The following SYK variants were observed in gnomAD, a reference collection of about 807,000 sequenced individuals.
SYK encodes the protein spleen associated tyrosine kinase, also known as tyrosine-protein kinase SYK.
SYK carries 16 observed loss-of-function variants against 77.8 expected under a neutral mutation model. The ratio of observed to expected loss-of-function variants is 0.21; its 90% CI spans 0.14 to 0.31. The LOEUF (loss-of-function observed/expected upper bound fraction) is 0.31, where lower values mean the gene tolerates loss of function less well. Among genes scored for constraint, SYK ranks in the 10% least tolerant of loss-of-function variants. SYK has a pLI of 1.00. For synonymous variants in SYK, 312 were observed against 308.7 expected (o/e 1.01, Z -0.11); for missense variants, 529 against 814.4 (o/e 0.65, Z 4.26).
At position 90,896,639 on chromosome 9, in the gene SYK, G is replaced by T. The variant is rs1396811910; in HGVS notation, c.*1039G>T. 4.3e-6 allele frequency: 1 copy of T among 232,808 alleles called. No homozygotes were observed. The highest frequency in any genetic ancestry group is 8.5e-6 in the Non-Finnish European group (1 of 117,766). The allele number at this position is 232,808 out of a possible 1,614,324, so 14.4% of individuals were successfully genotyped here. On this transcript the variant is annotated 3_prime_UTR_variant, in exon 14 of 14. Transcript: ENST00000375754. ...ACCACAAACAGGCCTTTTGGAGTGT[G>T]AATTTGAGTTGAAGATACAAGATCG...
intron 1 of SYK, among the ~76,000 whole-genome samples, chr9:90,830,807 A>G (rs290220): frequency 0.86 from 130,876 of 151,918 alleles, 56,590 homozygotes; most frequent in East Asian, 1. Context: ...GGATGGTCTC[A>G]ATCTCCTGAC....
intron 12 of SYK, 32 bp from the exon 13 acceptor site, chr9:90,888,483 A>C: frequency 6.5e-7 from 1 of 1,531,568 alleles, no homozygotes; most frequent in Non-Finnish European, 8.8e-7. Flanking sequence ...CTTTAAAAAA[A>C]AAAAAGCTTA....
intron 1 of SYK, among the ~76,000 whole-genome samples, chr9:90,821,715 A>T (rs1298285474): frequency 1.3e-5 from 2 of 152,170 alleles, no homozygotes; most frequent in African/African-American, 4.8e-5. Context: ...ACCTCATATT[A>T]TAAGTAAGTG....
In SYK at chr9:90,843,999, T is replaced by G. The variant is rs756261006; in HGVS notation, c.101T>G (p.Met34Arg). 93 of 1,611,088 alleles carry G rather than the reference T, an allele frequency of 5.8e-5. No homozygotes were observed. The highest frequency in any genetic ancestry group is 7.7e-5 in the Non-Finnish European group (91 of 1,178,540). ...EAEDYLVQGGMSDGLYLLRQS... is the reference protein window; with the variant it reads ...EAEDYLVQGGRSDGLYLLRQS... ...GAAGATTACCTGGTCCAGGGGGGCA[T>G]GAGTGATGGGCTTTATTTGCTGCGC... Residue 34 changes from methionine to arginine, a missense_variant, in exon 2 of 14, where the codon ATG (methionine) becomes AGG (arginine). Transcript: ENST00000375754.
intron 1 of SYK, among the ~76,000 whole-genome samples, chr9:90,831,993 G>T (rs979835353): frequency 3.3e-5 from 5 of 152,262 alleles, no homozygotes; most frequent in Admixed American, 3.3e-4. Flanking sequence ...ATGAGTTATT[G>T]TGCTGTTGAC....
chr9:90,874,303 T>C lies in SYK; in HGVS notation c.1003+12T>C. The C allele has an allele frequency of 1.2e-6, 2 of 1,613,738 alleles. No individual in the cohort carries two copies. The highest frequency in any genetic ancestry group is 1.7e-6 in the Non-Finnish European group (2 of 1,179,642). On this transcript the variant is annotated intron_variant, in intron 8 of 13. Coordinates refer to ENST00000375754, the MANE Select transcript of SYK (RefSeq NM_003177.7). ...GGCTGCAGACAAAGGTGAGACTTCC[T>C]TTCATTCAAGGGACATTCACAGAGC...
chr9:90,857,405 A>G (rs964735420), intron 3 of SYK, among the ~76,000 whole-genome samples: 1 of 152,232 alleles, frequency 6.6e-6, no homozygotes, highest in African/African-American at 2.4e-5. Flanking sequence ...AAGCTGAAAG[A>G]CAAGATGCGT....
chr9:90,811,403 T>C (rs1455764605), intron 1 of SYK, among the ~76,000 whole-genome samples: 1 of 152,114 alleles, frequency 6.6e-6, no homozygotes, highest in Non-Finnish European at 1.5e-5. Context: ...TTTAGGAACC[T>C]ATCACACATA....
intron 1 of SYK, among the ~76,000 whole-genome samples, chr9:90,836,201 A>G (rs1189876169): frequency 6.6e-6 from 1 of 151,748 alleles, no homozygotes; most frequent in African/African-American, 2.4e-5. Context: ...GCAGGAGAAC[A>G]GCGTGAACTG....
intron 11 of SYK, among the ~76,000 whole-genome samples, chr9:90,880,931 G>A (rs986510001): frequency 1.3e-5 from 2 of 152,230 alleles, no homozygotes; most frequent in African/African-American, 4.8e-5. Flanking sequence ...TGGGGCCCTT[G>A]GGCTTCCCTT....
chr9:90,881,373 G>A (rs1828142309), intron 11 of SYK, among the ~76,000 whole-genome samples: 1 of 152,146 alleles, frequency 6.6e-6, no homozygotes, highest in Non-Finnish European at 1.5e-5. Context: ...ACAAAGCAAA[G>A]TGAAATGGAA....
At chr9:90,865,891 C>CTTTTTTTTTTTTTT (rs10680406) in intron 6 of SYK, among the ~76,000 whole-genome samples, 1 of 61,264 alleles carries the variant, frequency 1.6e-5, no homozygotes, top group Non-Finnish European at 2.7e-5. Flanking sequence ...TACATATGGC[C>CTTTTTTTTTTTTTT]TTTTTTTTTT....
rs199995914 is a variant in SYK, at chr9:90,887,906, T to C, written c.1722+17T>C. 3.6e-5 allele frequency: 57 copies of C among 1,565,334 alleles called. No individual in the cohort carries two copies. The highest frequency in any genetic ancestry group is 1.7e-4 in the Middle Eastern group (1 of 5,886). ...CCATATCGAGTGAGCCAGTCCTGCT[T>C]CATTTTCTCACTGTGGGGCCATTAG... is the stretch of plus-strand genomic sequence containing the variant. On this transcript the variant is annotated intron_variant, in intron 12 of 13. Transcript: ENST00000375754.
At chr9:90,886,143 G>A (rs1828566417) in intron 11 of SYK, among the ~76,000 whole-genome samples, 1 of 152,114 alleles carries the variant, frequency 6.6e-6, no homozygotes, top group South Asian at 2.1e-4. Context: ...TAAATAGTGG[G>A]CTAAGAACAT....
At chr9:90,845,190 C>T (rs2387339) in intron 2 of SYK, among the ~76,000 whole-genome samples, 36,378 of 152,152 alleles carry the variant, frequency 0.24, 5,054 homozygotes, top group South Asian at 0.35. Flanking sequence ...TCCTCCTTGG[C>T]CTCCCAAAAT....
chr9:90,897,373 A>C lies in SYK; in HGVS notation c.*1773A>C. 1 of 231,748 alleles carries C rather than the reference A, an allele frequency of 4.3e-6. No individual in the cohort carries two copies. The highest frequency in any genetic ancestry group is 8.5e-6 in the Non-Finnish European group (1 of 117,038). The allele number at this position is 231,748 out of a possible 1,614,324, so 14.4% of individuals were successfully genotyped here. A position where few individuals can be genotyped will look rare whatever the true frequency, so the allele number is the denominator to read the frequency against. The stretch of plus-strand genomic sequence containing the variant: ...GAGCAGATTCTCAAAACACATTTAG[A>C]ATCCCTGAAATTAGAAAGATCAATG... On this transcript the variant is annotated 3_prime_UTR_variant, in exon 14 of 14. Coordinates refer to ENST00000375754, the MANE Select transcript of SYK (RefSeq NM_003177.7).
chr9:90,894,349 G>T (rs1828901773), intron 13 of SYK, among the ~76,000 whole-genome samples: 1 of 152,184 alleles, frequency 6.6e-6, no homozygotes, highest in Admixed American at 6.5e-5. Flanking sequence ...ACCCTGGGAG[G>T]CCCGTGTCCC....
intron 3 of SYK, among the ~76,000 whole-genome samples, chr9:90,852,504 CA>C (rs1826856862): frequency 6.6e-6 from 1 of 152,116 alleles, no homozygotes; most frequent in South Asian, 2.1e-4. Flanking sequence ...CCATGCCAGG[CA>C]AAATTTTAAA....
chr9:90,801,692 G>A (rs1378420575), upstream of SYK: 1 of 152,272 alleles, frequency 6.6e-6, no homozygotes, highest in Non-Finnish European at 1.5e-5. Context: ...CGGGCTCATG[G>A]GCGCGGTCAG....
Sources: gnomAD v4.1 joint callset for allele counts (sites outside exome capture counted in the v4.1 genomes callset) on GRCh38, gnomAD v4.1.1 for gene constraint, MANE v1.5 for transcripts, NCBI Gene and HGNC (gene_info 2026-07-23, HGNC 2026-07-21) for gene names.